Variants in RSPO2 observed in about 807,000 individuals in gnomAD.
RSPO2 encodes the protein R-spondin-2.
A neutral mutation model predicts 30.9 loss-of-function variants in RSPO2; 14 were observed. The observed-to-expected ratio is 0.45, with a 90% confidence interval of 0.30 to 0.71. The LOEUF is 0.71. Ranked by LOEUF, RSPO2 falls within the 30% of genes least tolerant of loss-of-function variation. RSPO2 has a pLI of 0.08. For missense variants in RSPO2, 264 were observed against 301.9 expected (o/e 0.87, Z 0.93); for synonymous variants, 107 against 96.4 (o/e 1.11, Z -0.64).
chr8:108,014,269 G>A (rs1586628324), intron 2 of RSPO2, among the ~76,000 whole-genome samples: 1 of 152,152 alleles, frequency 6.6e-6, no homozygotes, highest in Non-Finnish European at 1.5e-5. Flanking sequence ...TTCAACCATT[G>A]TTGAAGAGAG....
intron 5 of RSPO2, among the ~76,000 whole-genome samples, chr8:107,922,697 A>G (rs1006280915): frequency 1.3e-5 from 2 of 152,150 alleles, no homozygotes; most frequent in Non-Finnish European, 2.9e-5. Context: ...TTCAAACTAC[A>G]TACTATATAC....
At chr8:108,078,785 G>GC (rs1417956398) in intron 2 of RSPO2, among the ~76,000 whole-genome samples, 1 of 152,112 alleles carries the variant, frequency 6.6e-6, no homozygotes, top group Non-Finnish European at 1.5e-5. Context: ...GTCATAGCAC[G>GC]CCCCCTGCCA....
intron 5 of RSPO2, among the ~76,000 whole-genome samples, chr8:107,902,322 G>A (rs1811502848): frequency 6.6e-6 from 1 of 152,014 alleles, no homozygotes; most frequent in African/African-American, 2.4e-5. Context: ...ATTCTATAAA[G>A]CTTAACTTTT....
chr8:107,957,217 T>C lies in RSPO2; in HGVS notation c.616+863A>G, dbSNP rs1446565507. 2.0e-5 allele frequency among the ~76,000 whole-genome samples: 3 copies of C among 152,236 alleles called. No homozygotes were observed. The South Asian group carries it at 6.2e-4, about 31-fold the overall frequency. Reference sequence around the variant, plus strand: ...AAAAGCTATGCACCCACAGAAAGAATGAAGGCAAACAAAAGTTATGATTCT... The same window carrying C: ...AAAAGCTATGCACCCACAGAAAGAACGAAGGCAAACAAAAGTTATGATTCT... On this transcript the variant is annotated intron_variant, in intron 5 of 5. Coordinates refer to ENST00000276659, the MANE Select transcript of RSPO2 (RefSeq NM_178565.5).
intron 3 of RSPO2, among the ~76,000 whole-genome samples, chr8:107,969,422 A>G (rs1813923433): frequency 6.6e-6 from 1 of 152,192 alleles, no homozygotes; most frequent in African/African-American, 2.4e-5. Context: ...AAACTTTTGC[A>G]ATATGCTGCT....
At chr8:107,926,450 G>A (rs1027082166) in intron 5 of RSPO2, among the ~76,000 whole-genome samples, 6 of 151,646 alleles carry the variant, frequency 4.0e-5, no homozygotes, top group African/African-American at 1.5e-4. Flanking sequence ...CATTGCTTTC[G>A]GTGTTTTAGA....
intron 2 of RSPO2, among the ~76,000 whole-genome samples, chr8:108,056,772 T>C (rs1053673588): frequency 2.0e-5 from 3 of 151,532 alleles, no homozygotes; most frequent in African/African-American, 7.3e-5. Flanking sequence ...AAAAAAGATG[T>C]GGGCCAGGCA....
rs910350342 is a variant in RSPO2, at chr8:108,032,494, A to G, written c.95-43250T>C. On this transcript the variant is annotated intron_variant, in intron 2 of 5. Coordinates refer to ENST00000276659, the MANE Select transcript of RSPO2 (RefSeq NM_178565.5). ...AATTCCAGTTTCTATTTTGTGTCCT[A>G]GTCACATACCCTAGATACATATTAT... Among the ~76,000 whole-genome samples, 6 of 152,208 alleles carry G rather than the reference A, an allele frequency of 3.9e-5. 1 individual carries two copies. The highest frequency in any genetic ancestry group is 3.9e-4 in the Admixed American group (6 of 15,280).
intron 3 of RSPO2, among the ~76,000 whole-genome samples, chr8:107,985,007 A>T (rs1180889660): frequency 6.6e-6 from 1 of 152,186 alleles, no homozygotes; most frequent in Non-Finnish European, 1.5e-5. Context: ...TTATTTTTTA[A>T]TTACTAAAAA....
intron 2 of RSPO2, among the ~76,000 whole-genome samples, chr8:108,061,153 CATA>C (rs1812447516): frequency 6.6e-6 from 1 of 151,782 alleles, no homozygotes; most frequent in African/African-American, 2.4e-5. Flanking sequence ...CAGCTAACAT[CATA>C]ATGACAGGAT....
intron 5 of RSPO2, among the ~76,000 whole-genome samples, chr8:107,912,966 CTTT>C (rs1399332000): frequency 2.6e-5 from 4 of 152,024 alleles, no homozygotes; most frequent in Non-Finnish European, 5.9e-5. Context: ...TACTTTATTC[CTTT>C]TTTATTTTGT....
chr8:108,046,681 T>C (rs1211677706), intron 2 of RSPO2, among the ~76,000 whole-genome samples: 1 of 152,138 alleles, frequency 6.6e-6, no homozygotes, highest in Non-Finnish European at 1.5e-5. Flanking sequence ...ACACCCGTGG[T>C]TTGAAACAGT....
intron 3 of RSPO2, among the ~76,000 whole-genome samples, chr8:107,962,307 G>A (rs1417933536): frequency 6.6e-6 from 1 of 152,070 alleles, no homozygotes; most frequent in Non-Finnish European, 1.5e-5. Context: ...CATTAAAATA[G>A]ATCACATAAG....
intron 2 of RSPO2, among the ~76,000 whole-genome samples, chr8:107,991,072 A>T (rs897909229): frequency 2.0e-5 from 3 of 152,160 alleles, no homozygotes; most frequent in African/African-American, 7.2e-5. Flanking sequence ...CTCTACAAAA[A>T]ATAAATAAAT....
chr8:107,958,011 G>A, intron 5 of RSPO2, 69 bp downstream of exon 5: 1 of 1,029,094 alleles, frequency 9.7e-7, no homozygotes, highest in Non-Finnish European at 1.4e-6. Context: ...TTTTGGAAGG[G>A]AAGGTGGTTA....
chr8:108,048,515 G>A (rs981034606), intron 2 of RSPO2, among the ~76,000 whole-genome samples: 18 of 151,998 alleles, frequency 1.2e-4, no homozygotes, highest in South Asian at 6.2e-4. Flanking sequence ...GATTGGTGGC[G>A]ATATCTCCTT....
At chr8:108,067,651 AG>A (rs1812711981) in intron 2 of RSPO2, among the ~76,000 whole-genome samples, 1 of 152,258 alleles carries the variant, frequency 6.6e-6, no homozygotes, top group South Asian at 2.1e-4. Context: ...TGGCAGTGCC[AG>A]CATTTGACAC....
intron 5 of RSPO2, among the ~76,000 whole-genome samples, chr8:107,950,674 A>G (rs180816286): frequency 5.9e-5 from 9 of 152,178 alleles, no homozygotes; most frequent in Admixed American, 2.0e-4. Flanking sequence ...ACAAAGTAAC[A>G]TTAGGTCTGA....
At chr8:107,980,503 T>A (rs1244542333) in intron 3 of RSPO2, among the ~76,000 whole-genome samples, 1 of 152,220 alleles carries the variant, frequency 6.6e-6, no homozygotes, top group African/African-American at 2.4e-5. Context: ...GCTGGTTTGA[T>A]AAAGATTAAA....
Sources: gnomAD v4.1 joint callset for allele counts (sites outside exome capture counted in the v4.1 genomes callset) on GRCh38, gnomAD v4.1.1 for gene constraint, MANE v1.5 for transcripts, NCBI Gene and HGNC (gene_info 2026-07-23, HGNC 2026-07-21) for gene names.